Variants in HEATR5B observed in about 807,000 individuals in gnomAD.
HEATR5B encodes the protein HEAT repeat-containing protein 5B.
HEATR5B carries 156 observed loss-of-function variants against 224.1 expected under a neutral mutation model. The observed-to-expected ratio is 0.70, with a 90% CI of 0.61 to 0.80. The LOEUF (loss-of-function observed/expected upper bound fraction) is 0.80. Ranked by LOEUF, HEATR5B falls within the 30% of genes least tolerant of loss-of-function variation. The probability of loss-of-function intolerance (pLI) is 0.00; values close to 1 mark genes in which losing one functional copy is unlikely to be tolerated. For synonymous variants in HEATR5B, 1,027 were observed against 893.0 expected (o/e 1.15, Z -2.68); for missense variants, 2,323 against 2,535.5 (o/e 0.92, Z 1.80).
At chr2:37,051,479 T>C (rs540410491) in intron 17 of HEATR5B, among the ~76,000 whole-genome samples, 1 of 152,248 alleles carries the variant, frequency 6.6e-6, no homozygotes, top group Admixed American at 6.5e-5. Flanking sequence ...TGGAACTTTA[T>C]TTATTTATTT....
At position 37,032,714 on chromosome 2, in the gene HEATR5B, T is replaced by C. The variant is rs200941686; in HGVS notation, c.3276A>G (p.Gln1092=). The C allele has an allele frequency of 4.3e-5, 69 of 1,614,014 alleles. No homozygotes were observed. Among genetic ancestry groups the C allele is most frequent in the Non-Finnish European group, 5.3e-5 (62 of 1,180,016 alleles). Residue 1092 remains glutamine, a synonymous_variant, in exon 22 of 36, where the codon CAA becomes CAG. Transcript: ENST00000233099. Reference sequence around the variant, plus strand: ...CTTCCGCTGCTTCTCTTTGTGCAAGTTGCCGAAGACATGCCACAGCTGCTC... The same window carrying C: ...CTTCCGCTGCTTCTCTTTGTGCAAGCTGCCGAAGACATGCCACAGCTGCTC... The part of the protein sequence containing the change: ...LRRAAVACLR[Q]LAQREAAEVC...
chr2:37,083,166 A>T, intron 2 of HEATR5B, 123 bp downstream of exon 2: 2 of 1,058,796 alleles, frequency 1.9e-6, no homozygotes, highest in Non-Finnish European at 2.9e-6. Context: ...CCATTCGTGT[A>T]ATACTCTCAA....
intron 33 of HEATR5B, among the ~76,000 whole-genome samples, chr2:36,994,194 G>A (rs1475301905): frequency 6.6e-6 from 1 of 152,160 alleles, no homozygotes; most frequent in East Asian, 1.9e-4. Flanking sequence ...TAAACCAGGT[G>A]TGGCAAAATG....
intron 23 of HEATR5B, 31 bp downstream of exon 23, chr2:37,028,650 A>G (rs745333091): frequency 6.3e-7 from 1 of 1,596,606 alleles, no homozygotes; most frequent in Admixed American, 1.7e-5. Flanking sequence ...AACAATTTCC[A>G]TTATTTTAAG....
rs375679793 is a variant in HEATR5B at position 37,003,640 on chromosome 2, G to C, written c.4952C>G (p.Thr1651Ser). 407 of 1,612,280 alleles carry C rather than the reference G, an allele frequency of 2.5e-4. No individual in the cohort carries two copies. Among genetic ancestry groups the C allele is most frequent in the Non-Finnish European group, 3.3e-4 (389 of 1,178,758 alleles). ...CAGCTGGACAGATGATGGATTCCAG[G>C]TCAATAGAAGGCGGTGCAAAACACT... ...LLSVLHRLLL[T>S]WNPSSVQLLV... Residue 1651 changes from threonine to serine, a missense_variant, in exon 31 of 36, where the codon ACC becomes AGC. By Grantham distance (58) the Thr-to-Ser change is moderately conservative. Coordinates refer to ENST00000233099, the MANE Select transcript of HEATR5B (RefSeq NM_019024.3).
intron 21 of HEATR5B, 100 bp from the exon 22 acceptor site, chr2:37,032,873 T>G: frequency 3.0e-6 from 3 of 988,558 alleles, no homozygotes; most frequent in Non-Finnish European, 2.8e-6. Context: ...TACATATATA[T>G]GTTTTGTTTT....
chr2:37,008,440 A>G (rs1667567892), intron 28 of HEATR5B, 171 bp downstream of exon 28: 3 of 610,112 alleles, frequency 4.9e-6, no homozygotes, highest in Non-Finnish European at 8.7e-6. Context: ...TATATCTTCT[A>G]TCTACAAATT....
At chr2:37,076,275 A>G (rs1185789873) in intron 4 of HEATR5B, 1 of 152,264 alleles carries the variant, frequency 6.6e-6, no homozygotes, top group African/African-American at 2.4e-5. Flanking sequence ...TTTTTAATGA[A>G]TGAATAGACA....
At chr2:37,062,647 G>T (rs745754385) in intron 10 of HEATR5B, among the ~76,000 whole-genome samples, 17 of 152,274 alleles carry the variant, frequency 1.1e-4, no homozygotes, top group Admixed American at 3.3e-4. Context: ...GAAATAATAG[G>T]AATGCCTATC....
chr2:37,059,035 A>T (rs772914023), intron 12 of HEATR5B, 48 bp from the exon 13 acceptor site: 1 of 1,138,858 alleles, frequency 8.8e-7, no homozygotes, highest in Admixed American at 1.9e-5. Flanking sequence ...TTTTGTGAAC[A>T]TGAATTAATT....
intron 21 of HEATR5B, among the ~76,000 whole-genome samples, chr2:37,035,811 G>C (rs190911577): frequency 1.1e-4 from 16 of 151,992 alleles, no homozygotes; most frequent in African/African-American, 2.9e-4. Flanking sequence ...TCTTTAACCA[G>C]ACCTCTCTTT....
rs1297873232 is a variant in HEATR5B at position 36,981,552 on chromosome 2, T to C, written c.6154A>G (p.Arg2052Gly). The change falls in exon 36 of 36, where the codon AGA becomes GGA. Residue 2052 changes from arginine to glycine, a missense_variant. By Grantham distance (125) the Arg-to-Gly change is moderately radical (BLOSUM62 -2). This residue lies in a region of HEATR5B where 844 missense variants were observed against 812.9 expected (regional missense o/e 1.04). Coordinates refer to ENST00000233099, the MANE Select transcript of HEATR5B (RefSeq NM_019024.3). ...GAATGTATGGCGGGGGCTGGTTGTCTGGCAGCCGCTTTAGCTTTGCTCGCT... is the reference window on the plus strand; with the variant it reads ...GAATGTATGGCGGGGGCTGGTTGTCCGGCAGCCGCTTTAGCTTTGCTCGCT... ...SQASKAKAAA[R>G]QPAPAIHSAP... The C allele has an allele frequency of 6.2e-7, 1 of 1,614,182 alleles. No individual in the cohort carries two copies. Among genetic ancestry groups the C allele is most frequent in the Non-Finnish European group, 8.5e-7 (1 of 1,180,026 alleles).
At chr2:37,005,105 T>C (rs1235952086) in intron 30 of HEATR5B, among the ~76,000 whole-genome samples, 4 of 152,252 alleles carry the variant, frequency 2.6e-5, no homozygotes, top group Non-Finnish European at 5.9e-5. Context: ...CTTCACCTTG[T>C]TGTCCAGCCT....
In HEATR5B at chr2:37,072,109, C is replaced by A; in HGVS notation, c.769+1G>T. 4 of 1,610,788 alleles carry A rather than the reference C, an allele frequency of 2.5e-6. No individual in the cohort carries two copies. Among genetic ancestry groups the A allele is most frequent in the Non-Finnish European group, 3.4e-6 (4 of 1,177,850 alleles). On this transcript the variant is annotated splice_donor_variant, in intron 6 of 35. Transcript: ENST00000233099. LOFTEE classifies it high-confidence loss of function. Reference sequence around the variant, plus strand: ...TCTAAATCAAGGGCAAACAACAATACCTGTTGCCTGTTTTGGCATTAATGC... The same window carrying A: ...TCTAAATCAAGGGCAAACAACAATAACTGTTGCCTGTTTTGGCATTAATGC...
chr2:37,041,830 ATT>A (rs2148501255), intron 18 of HEATR5B, among the ~76,000 whole-genome samples: 1 of 151,566 alleles, frequency 6.6e-6, no homozygotes, highest in East Asian at 1.9e-4. Context: ...TTTAGAGAAA[ATT>A]TGACAACTCA....
Position 37,032,644 on chromosome 2 carries a change from C to T in HEATR5B, c.3346G>A (p.Glu1116Lys), listed in dbSNP as rs375961321. 7 of 1,613,646 alleles carry T rather than the reference C, an allele frequency of 4.3e-6. No homozygotes were observed. The highest frequency in any genetic ancestry group is 5.9e-6 in the Non-Finnish European group (7 of 1,179,868). ...TATAACTTACTGGCACTACTGCTCT[C>T]TTTGTCCCCTGTATTTTTTGCCAGG... ...MSLAKNTGDK[E>K]SSSANVSPFA... is the part of the protein sequence containing the mutation. Residue 1116 changes from glutamate to lysine, a missense_variant, in exon 22 of 36, where the codon GAG (glutamate) becomes AAG (lysine). By Grantham distance (56) the Glu-to-Lys change is moderately conservative (BLOSUM62 1). Around this residue, in one of 12 missense-constraint regions of HEATR5B, gnomAD observed 339 missense variants for 378.4 expected, o/e 0.90. Transcript: ENST00000233099.
intron 35 of HEATR5B, among the ~76,000 whole-genome samples, chr2:36,982,330 A>G (rs1271677645): frequency 1.3e-5 from 2 of 152,200 alleles, no homozygotes; most frequent in Non-Finnish European, 2.9e-5. Flanking sequence ...TAAAAAAACA[A>G]GAACCTATGT....
Position 36,995,087 on chromosome 2 carries a change from G to GTTTTTTTTTTTTTTT in HEATR5B, c.5546-4303_5546-4289dup, listed in dbSNP as rs775120824. ...CGATTTCTTCGTCTTGTTATTCCTT[G>GTTTTTTTTTTTTTTT]TTTTTTTTTTTTTTTTTCCTGAGAT... On this transcript the variant is annotated intron_variant, in intron 33 of 35. Coordinates refer to ENST00000233099, the MANE Select transcript of HEATR5B (RefSeq NM_019024.3). Among the ~76,000 whole-genome samples the GTTTTTTTTTTTTTTT allele has an allele frequency of 3.5e-4, 36 of 104,120 alleles. 7 individuals carry two copies. The highest frequency in any genetic ancestry group is 7.4e-4 in the African/African-American group (18 of 24,452). 68.3% of individuals were successfully genotyped at this position (104,120 alleles called of 152,430 possible).
chr2:37,033,507 A>G (rs1669270702), intron 21 of HEATR5B, among the ~76,000 whole-genome samples: 1 of 152,216 alleles, frequency 6.6e-6, no homozygotes, highest in Non-Finnish European at 1.5e-5. Context: ...TAATATTTGA[A>G]AGCAAAGGAG....
Sources: allele counts gnomAD v4.1 joint callset (sites outside exome capture counted in the v4.1 genomes callset), GRCh38; gene constraint gnomAD v4.1.1; regional missense constraint gnomAD v4.1.1; transcripts MANE v1.5; gene names NCBI Gene and HGNC (gene_info 2026-07-23, HGNC 2026-07-21).